Variants in SGCZ observed in about 807,000 individuals in gnomAD.
SGCZ encodes sarcoglycan zeta.
Under a neutral mutation model 41.3 loss-of-function variants are expected in SGCZ, and 40 were observed. That is an observed-to-expected ratio of 0.97 (90% CI 0.75 to 1.26). The LOEUF is 1.26. SGCZ is among the 50% of genes most tolerant of loss of function. SGCZ has a pLI of 0.00. For missense variants in SGCZ, 552 were observed against 369.8 expected, an observed-to-expected ratio of 1.49 and a Z score of -4.04; for synonymous variants, 206 against 137.5, an observed-to-expected ratio of 1.50 and a Z score of -3.49.
chr8:15,129,872 C>T (rs1807837265), intron 1 of SGCZ, among the ~76,000 whole-genome samples: 1 of 152,044 alleles, frequency 6.6e-6, no homozygotes, highest in African/African-American at 2.4e-5. Flanking sequence ...TGTCCTCAGA[C>T]AGTCACCACC....
intron 1 of SGCZ, among the ~76,000 whole-genome samples, chr8:15,018,815 C>G (rs1252868795): frequency 6.6e-6 from 1 of 152,222 alleles, no homozygotes; most frequent in Non-Finnish European, 1.5e-5. Context: ...GTTTAATTGG[C>G]TCATGCTTCC....
chr8:14,894,762 A>G (rs1805131764), intron 1 of SGCZ, among the ~76,000 whole-genome samples: 1 of 149,362 alleles, frequency 6.7e-6, no homozygotes, highest in East Asian at 1.9e-4. Flanking sequence ...GTTATAAACT[A>G]CAAAAAAAAG....
chr8:14,450,329 C>T (rs1006016109), intron 2 of SGCZ, among the ~76,000 whole-genome samples: 4 of 152,184 alleles, frequency 2.6e-5, no homozygotes, highest in Non-Finnish European at 5.9e-5. Flanking sequence ...TTGCGGTATG[C>T]ATATACGTGT....
At position 14,921,758 on chromosome 8, in the gene SGCZ, G is replaced by T. The variant is rs539772700; in HGVS notation, c.39+315827C>A. On this transcript the variant is annotated intron_variant, in intron 1 of 7. Coordinates refer to ENST00000382080, the MANE Select transcript of SGCZ (RefSeq NM_139167.4). ...ATGACAACTTTGTGTTTTTTCCATA[G>T]ATTTTGTTACAATTTAGTAAAAGTT... Among the ~76,000 whole-genome samples, 15 of 152,218 alleles carry T rather than the reference G, an allele frequency of 9.9e-5. No individual in the cohort carries two copies. In the East Asian group the frequency reaches 2.7e-3, roughly 28 times the overall value.
At chr8:14,920,132 A>G (rs1280956869) in intron 1 of SGCZ, among the ~76,000 whole-genome samples, 12 of 152,176 alleles carry the variant, frequency 7.9e-5, no homozygotes, top group Admixed American at 6.5e-4. Flanking sequence ...ATCATTTACA[A>G]GTTGAACAAA....
chr8:14,457,615 C>A (rs1800786008), intron 2 of SGCZ, among the ~76,000 whole-genome samples: 1 of 152,214 alleles, frequency 6.6e-6, no homozygotes, highest in African/African-American at 2.4e-5. Context: ...ACACCTGGCT[C>A]TGCCTTCCAG....
rs996825691 is a variant in SGCZ at position 14,102,512 on chromosome 8, C to A, written c.621-13G>T. 1.5e-6 allele frequency: 2 copies of A among 1,370,918 alleles called. No individual in the cohort carries two copies. Among genetic ancestry groups the A allele is most frequent in the Admixed American group, 5.5e-5 (2 of 36,318 alleles). 84.9% of individuals were successfully genotyped at this position (1,370,918 alleles called of 1,614,324 possible). A position where few individuals can be genotyped will look rare whatever the true frequency, so the allele number is the denominator to read the frequency against. On this transcript the variant is annotated splice_polypyrimidine_tract_variant and intron_variant, in intron 6 of 7. Coordinates refer to ENST00000382080, the MANE Select transcript of SGCZ (RefSeq NM_139167.4). ...GGGTGATTCAAGCCTAAGGGAAAAA[C>A]AAAAAATCATTAATAGGAAAAAAAA...
chr8:14,774,936 C>G (rs989558001), intron 1 of SGCZ, among the ~76,000 whole-genome samples: 1 of 152,120 alleles, frequency 6.6e-6, no homozygotes, highest in African/African-American at 2.4e-5. Context: ...AGGTTTTAAT[C>G]TGACAATCTA....
chr8:14,116,724 G>T (rs2117024770), intron 5 of SGCZ, among the ~76,000 whole-genome samples: 1 of 152,096 alleles, frequency 6.6e-6, no homozygotes, highest in Admixed American at 6.6e-5. Flanking sequence ...ATACCGATAG[G>T]TAAATTTTAG....
intron 1 of SGCZ, among the ~76,000 whole-genome samples, chr8:14,939,079 A>G (rs1218098677): frequency 2.0e-5 from 3 of 152,148 alleles, no homozygotes; most frequent in African/African-American, 4.8e-5. Context: ...CAAACTCATT[A>G]AAGAGCTCTA....
intron 4 of SGCZ, among the ~76,000 whole-genome samples, chr8:14,210,094 G>A (rs1160237466): frequency 6.6e-6 from 1 of 152,128 alleles, no homozygotes; most frequent in Non-Finnish European, 1.5e-5. Flanking sequence ...GTCTCACTCT[G>A]TCGCCCAGAC....
chr8:14,331,994 A>C (rs1445403049), intron 2 of SGCZ, among the ~76,000 whole-genome samples: 1 of 151,940 alleles, frequency 6.6e-6, no homozygotes, highest in Non-Finnish European at 1.5e-5. Context: ...ATATTTATGA[A>C]TAAATATAAA....
intron 1 of SGCZ, among the ~76,000 whole-genome samples, chr8:14,999,757 A>C (rs756509441): frequency 6.6e-6 from 1 of 152,234 alleles, no homozygotes; most frequent in Admixed American, 6.5e-5. Context: ...CATTTAAAAA[A>C]GCTATGAAGG....
chr8:14,349,903 A>G (rs1803024986), intron 2 of SGCZ, among the ~76,000 whole-genome samples: 1 of 152,162 alleles, frequency 6.6e-6, no homozygotes, highest in Non-Finnish European at 1.5e-5. Context: ...GATACAGGAT[A>G]ATCAAAAGCT....
At chr8:14,734,379 A>G (rs1798964872) in intron 1 of SGCZ, among the ~76,000 whole-genome samples, 1 of 152,136 alleles carries the variant, frequency 6.6e-6, no homozygotes, top group Admixed American at 6.6e-5. Context: ...AATATTTGAA[A>G]CTCTAAATTT....
At position 14,129,101 on chromosome 8, in the gene SGCZ, C is replaced by G. The variant is rs188924092; in HGVS notation, c.548-20866G>C. ...GTGGCTCATGCCTGTAATCCCAGCC[C>G]TTTGGAAGGCCGAGGTGGGTGGATC... On this transcript the variant is annotated intron_variant, in intron 5 of 7. Transcript: ENST00000382080. 6.3e-3 allele frequency among the ~76,000 whole-genome samples: 961 copies of G among 152,118 alleles called. 7 individuals are homozygous for G. Among genetic ancestry groups the G allele is most frequent in the African/African-American group, 0.022 (913 of 41,522 alleles).
At chr8:14,590,393 T>C (rs1401592866) in intron 1 of SGCZ, among the ~76,000 whole-genome samples, 1 of 151,900 alleles carries the variant, frequency 6.6e-6, no homozygotes, top group African/African-American at 2.4e-5. Flanking sequence ...GTATACATTT[T>C]AATTGGTCAA....
intron 2 of SGCZ, among the ~76,000 whole-genome samples, chr8:14,523,952 T>G (rs1802864582): frequency 6.6e-6 from 1 of 152,126 alleles, no homozygotes; most frequent in African/African-American, 2.4e-5. Context: ...TAATTTCCCT[T>G]TCATTCTTCT....
chr8:14,323,760 A>G (rs2117031437), intron 3 of SGCZ, among the ~76,000 whole-genome samples: 1 of 152,244 alleles, frequency 6.6e-6, no homozygotes, highest in South Asian at 2.1e-4. Context: ...ATTAATTCAA[A>G]TCAGTGCCTT....
Sources: gnomAD v4.1 joint callset for allele counts (sites outside exome capture counted in the v4.1 genomes callset) on GRCh38, gnomAD v4.1.1 for gene constraint, MANE v1.5 for transcripts, NCBI Gene and HGNC (gene_info 2026-07-23, HGNC 2026-07-21) for gene names.